Variants in TOR1B observed in about 807,000 individuals in gnomAD.
The protein encoded by TOR1B is torsin family 1 member B, also known as torsin-1B.
A neutral mutation model predicts 29.2 loss-of-function variants in TOR1B; 14 were observed. That is an observed-to-expected ratio of 0.48 (90% CI 0.32 to 0.75). The LOEUF (loss-of-function observed/expected upper bound fraction) is 0.75. TOR1B is among the 30% of genes least tolerant of loss of function. The pLI is 0.04. For missense variants in TOR1B, 400 were observed against 433.9 expected (o/e 0.92, Z 0.69); for synonymous variants, 166 against 179.8 (o/e 0.92, Z 0.62).
chr9:129,805,804 G>C (rs1233646477), intron 2 of TOR1B, among the ~76,000 whole-genome samples: 1 of 152,204 alleles, frequency 6.6e-6, no homozygotes, highest in Non-Finnish European at 1.5e-5. Flanking sequence ...AAGCCTCAAA[G>C]AACTGAACCT....
chr9:129,806,606 G>A (rs2030494507), intron 2 of TOR1B, among the ~76,000 whole-genome samples: 1 of 152,092 alleles, frequency 6.6e-6, no homozygotes. Context: ...ATCTTGCCGG[G>A]TGGCTCATTC....
chr9:129,809,133 C>T, intron 4 of TOR1B, 101 bp downstream of exon 4: 2 of 1,526,814 alleles, frequency 1.3e-6, no homozygotes, highest in Non-Finnish European at 1.8e-6. Context: ...ACTGGATTTC[C>T]TCACTTTGCT....
rs968061508 is a variant in TOR1B, at chr9:129,810,473, G to C, written c.*890G>C. ...TGTGGAATCCTTCACCGTCTCAGCT[G>C]GTATCAGCCCCAGCCTGCCTTGTGC... On this transcript the variant is annotated 3_prime_UTR_variant, in exon 5 of 5. Coordinates refer to ENST00000259339, the MANE Select transcript of TOR1B (RefSeq NM_014506.3). 8.7e-7 allele frequency: 1 copy of C among 1,150,852 alleles called. No individual in the cohort carries two copies. Among genetic ancestry groups the C allele is most frequent in the Non-Finnish European group, 1.1e-6 (1 of 912,878 alleles). 71.3% of individuals were successfully genotyped at this position (1,150,852 alleles called of 1,614,324 possible).
chr9:129,806,471 A>G (rs2030489035), intron 2 of TOR1B, among the ~76,000 whole-genome samples: 2 of 152,198 alleles, frequency 1.3e-5, no homozygotes, highest in South Asian at 4.1e-4. Flanking sequence ...GGTCTGGGGC[A>G]CTGTGTACTG....
At chr9:129,803,441 C>A in intron 1 of TOR1B, 30 bp downstream of exon 1, 2 of 1,330,144 alleles carry the variant, frequency 1.5e-6, no homozygotes, top group Non-Finnish European at 9.6e-7. Context: ...TGTGGGTCGG[C>A]GCTGCGGGGG....
At chr9:129,803,941 T>A (rs1288783555) in intron 1 of TOR1B, 132 bp from the exon 2 acceptor site, 1 of 1,183,038 alleles carries the variant, frequency 8.5e-7, no homozygotes, top group African/African-American at 1.5e-5. Context: ...GCCTCGGCCC[T>A]AGGGTGTGGC....
chr9:129,804,539 G>GT, intron 2 of TOR1B: 1 of 631,348 alleles, frequency 1.6e-6, no homozygotes, highest in South Asian at 2.3e-5. Flanking sequence ...GTCCAGTGGG[G>GT]TAGGGGATGT....
Position 129,803,336 on chromosome 9 carries a change from G to C in TOR1B, c.124G>C (p.Gly42Arg). ...LAIGAASAIT[G>R]YLSYNDIYCR... ...CATCGGGGCCGCGTCGGCCATCACC[G>C]GCTACCTGTCCTACAATGACATCTA... Residue 42 changes from glycine (G) to arginine (R), a missense_variant, in exon 1 of 5, where the codon GGC (glycine) becomes CGC (arginine). Coordinates refer to ENST00000259339, the MANE Select transcript of TOR1B (RefSeq NM_014506.3). 1.3e-6 allele frequency: 2 copies of C among 1,591,718 alleles called. No individual in the cohort carries two copies. Among genetic ancestry groups the C allele is most frequent in the Non-Finnish European group, 1.7e-6 (2 of 1,172,490 alleles).
Position 129,810,277 on chromosome 9 carries a change from A to G in TOR1B, c.*694A>G, listed in dbSNP as rs2030771327. ...GTTAAAATCGGGGCTGGAGGTGCAG[A>G]CGGTGTCTGACCGGAGGATGTGGCC... On this transcript the variant is annotated 3_prime_UTR_variant, in exon 5 of 5. Coordinates refer to ENST00000259339, the MANE Select transcript of TOR1B (RefSeq NM_014506.3). The G allele has an allele frequency of 1.5e-6, 2 of 1,300,522 alleles. No individual in the cohort carries two copies. The highest frequency in any genetic ancestry group is 3.1e-5 in the African/African-American group (2 of 64,604). The allele number at this position is 1,300,522 out of a possible 1,614,324, so 80.6% of individuals were successfully genotyped here.
intron 2 of TOR1B, among the ~76,000 whole-genome samples, chr9:129,806,120 CAAA>C (rs34263616): frequency 7.9e-4 from 97 of 122,614 alleles, no homozygotes; most frequent in Admixed American, 3.2e-3. Context: ...GACTCTATCT[CAAA>C]AAAAAAAAAA....
rs2130997774 is a variant in TOR1B at position 129,811,005 on chromosome 9, T to C, written c.*1422T>C. The C allele has an allele frequency of 6.6e-6, 1 of 152,346 alleles. No homozygotes were observed. Among genetic ancestry groups the C allele is most frequent in the Non-Finnish European group, 1.5e-5 (1 of 68,038 alleles). The allele number at this position is 152,346 out of a possible 1,614,324, so 9.4% of individuals were successfully genotyped here. ...CTTAGCTTCCAGCCAGTGTGAATCA[T>C]TGTATCTGTCTCATAATCACAGCAC... On this transcript the variant is annotated 3_prime_UTR_variant, in exon 5 of 5. Coordinates refer to ENST00000259339, the MANE Select transcript of TOR1B (RefSeq NM_014506.3).
intron 1 of TOR1B, among the ~76,000 whole-genome samples, chr9:129,803,643 CT>C (rs1423728386): frequency 1.3e-5 from 2 of 152,346 alleles, no homozygotes; most frequent in East Asian, 3.9e-4. Flanking sequence ...GCCCCAGCGC[CT>C]TTCTAAAGCT....
Position 129,808,975 on chromosome 9 carries a change from A to G in TOR1B, c.712A>G (p.Ile238Val). 6.2e-7 allele frequency: 1 copy of G among 1,614,152 alleles called. No homozygotes were observed. The highest frequency in any genetic ancestry group is 1.1e-5 in the South Asian group (1 of 91,088). Residue 238 changes from isoleucine to valine, a missense_variant, in exon 4 of 5, where the codon ATT becomes GTT. Coordinates refer to ENST00000259339, the MANE Select transcript of TOR1B (RefSeq NM_014506.3). ...FWRAGRKRED[I>V]QLKDLEPVLS... ...GCGGGCCGGAAGAAAGAGGGAAGACATTCAGCTGAAGGACCTGGAACCTGT... is the reference window on the plus strand; with the variant it reads ...GCGGGCCGGAAGAAAGAGGGAAGACGTTCAGCTGAAGGACCTGGAACCTGT...
In TOR1B at chr9:129,809,476, G is replaced by C; in HGVS notation, c.904G>C (p.Asp302His). 1.2e-6 allele frequency: 2 copies of C among 1,614,218 alleles called. No individual in the cohort carries two copies. The highest frequency in any genetic ancestry group is 1.6e-4 in the Middle Eastern group (1 of 6,062). ...GGCCCGTGGTTCTGCCATAGATGAA[G>C]ACATTGTCACAAGAGTGGCAGAGGA... is the stretch of plus-strand genomic sequence containing the variant. The part of the protein sequence containing the change: ...MRARGSAIDE[D>H]IVTRVAEEMT... The change falls in exon 5 of 5, where the codon GAC (aspartate) becomes CAC (histidine). Residue 302 changes from aspartate to histidine, a missense_variant. Transcript: ENST00000259339.
Position 129,810,425 on chromosome 9 carries a change from C to G in TOR1B, c.*842C>G. ...AGGCCCCTCCCGCCTGTCCATCGCT[C>G]TAGCTGCTAATACAGCCCTGGCTGT... On this transcript the variant is annotated 3_prime_UTR_variant, in exon 5 of 5. Transcript: ENST00000259339. 2 of 1,207,002 alleles carry G rather than the reference C, an allele frequency of 1.7e-6. No homozygotes were observed. Among genetic ancestry groups the G allele is most frequent in the Non-Finnish European group, 2.1e-6 (2 of 940,706 alleles). 74.8% of individuals were successfully genotyped at this position (1,207,002 alleles called of 1,614,324 possible). A position where few individuals can be genotyped will look rare whatever the true frequency, so the allele number is the denominator to read the frequency against.
chr9:129,807,845 CAAAA>C (rs34329009), intron 3 of TOR1B, among the ~76,000 whole-genome samples: 5 of 103,324 alleles, frequency 4.8e-5, no homozygotes, highest in Non-Finnish European at 8.2e-5. Flanking sequence ...GACTCTGTCT[CAAAA>C]AAAAAAAAAA....
chr9:129,808,163 C>CT (rs1491155145), intron 3 of TOR1B, among the ~76,000 whole-genome samples: 1 of 152,156 alleles, frequency 6.6e-6, no homozygotes, highest in Non-Finnish European at 1.5e-5. Context: ...TGAGAGCACA[C>CT]TTTTTTGTCT....
chr9:129,809,462 C>G lies in TOR1B; in HGVS notation c.890C>G (p.Ser297Cys). 1 of 1,614,194 alleles carries G rather than the reference C, an allele frequency of 6.2e-7. No homozygotes were observed. The highest frequency in any genetic ancestry group is 1.7e-5 in the Admixed American group (1 of 60,028). ...AGGGCCGAGATGAGGGCCCGTGGTT[C>G]TGCCATAGATGAAGACATTGTCACA... ...CVRAEMRARG[S>C]AIDEDIVTRV... The change falls in exon 5 of 5, where the codon TCT becomes TGT. Residue 297 changes from serine to cysteine, a missense_variant. Coordinates refer to ENST00000259339, the MANE Select transcript of TOR1B (RefSeq NM_014506.3).
intron 3 of TOR1B, among the ~76,000 whole-genome samples, chr9:129,807,858 A>G (rs1262987511): frequency 6.6e-6 from 1 of 151,318 alleles, no homozygotes; most frequent in African/African-American, 2.4e-5. Context: ...AAAAAAAAAA[A>G]AAAGAAATAA....
Sources: gnomAD v4.1 joint callset for allele counts (sites outside exome capture counted in the v4.1 genomes callset) on GRCh38, gnomAD v4.1.1 for gene constraint, MANE v1.5 for transcripts, NCBI Gene and HGNC (gene_info 2026-07-23, HGNC 2026-07-21) for gene names.